The following KIF18A variants were observed in gnomAD, a reference collection of about 807,000 sequenced individuals.
The protein encoded by KIF18A is kinesin family member 18A, also known as kinesin-like protein KIF18A.
A neutral mutation model predicts 103.3 loss-of-function variants in KIF18A; 67 were observed. That is an observed-to-expected ratio of 0.65 (90% CI 0.53 to 0.79). KIF18A has a LOEUF of 0.79. KIF18A is among the 30% of genes least tolerant of loss of function. The probability of loss-of-function intolerance (pLI) is 0.00; values close to 1 mark genes in which losing one functional copy is unlikely to be tolerated. For missense variants in KIF18A, 1,032 were observed against 1,062.5 expected, an observed-to-expected ratio of 0.97 and a Z score of 0.40; for synonymous variants, 367 against 355.5, an observed-to-expected ratio of 1.03 and a Z score of -0.36.
chr11:28,054,408 G>A (rs1275230684), intron 13 of KIF18A, among the ~76,000 whole-genome samples: 3 of 151,916 alleles, frequency 2.0e-5, no homozygotes, highest in Non-Finnish European at 2.9e-5. Context: ...ACAGGGTTTC[G>A]CCCTGTTGCT....
intron 1 of KIF18A, among the ~76,000 whole-genome samples, chr11:28,106,551 C>CAAAAAAAAAAAA (rs11301094): frequency 1.2e-5 from 1 of 82,336 alleles, no homozygotes; most frequent in Non-Finnish European, 2.6e-5. Flanking sequence ...CAGTTGTCAG[C>CAAAAAAAAAAAA]AAAAAAAAAA....
intron 15 of KIF18A, among the ~76,000 whole-genome samples, chr11:28,028,527 C>G (rs1850351037): frequency 6.6e-6 from 1 of 151,982 alleles, no homozygotes; most frequent in African/African-American, 2.4e-5. Flanking sequence ...ACATTTAAAG[C>G]AGTGTGTAGA....
chr11:28,054,624 T>C lies in KIF18A; in HGVS notation c.1948+4302A>G, dbSNP rs188500101. On this transcript the variant is annotated intron_variant, in intron 13 of 16. Coordinates refer to ENST00000263181, the MANE Select transcript of KIF18A (RefSeq NM_031217.4). Reference sequence around the variant, plus strand: ...TGAACTCACTTATAAACACCGTTCCTATTATTCCTCCTTGACACTATTAGT... The same window carrying C: ...TGAACTCACTTATAAACACCGTTCCCATTATTCCTCCTTGACACTATTAGT... Among the ~76,000 whole-genome samples, 49 of 152,322 alleles carry C rather than the reference T, an allele frequency of 3.2e-4. 1 individual carries two copies. Among genetic ancestry groups the C allele is most frequent in the Admixed American group, 2.8e-3 (43 of 15,286 alleles).
chr11:28,090,555 A>G, intron 5 of KIF18A, 62 bp downstream of exon 5: 7 of 936,738 alleles, frequency 7.5e-6, no homozygotes, highest in Non-Finnish European at 1.2e-5. Flanking sequence ...ATGATGATTC[A>G]TGAATTTAGC....
At position 28,036,785 on chromosome 11, in the gene KIF18A, C is replaced by T. The variant is rs1033753130; in HGVS notation, c.1949-121G>A. 1.9e-5 allele frequency: 11 copies of T among 564,422 alleles called. No individual in the cohort carries two copies. The East Asian group carries it at 3.2e-4, about 16-fold the overall frequency. The allele number at this position is 564,422 out of a possible 1,614,324, so 35.0% of individuals were successfully genotyped here. On this transcript the variant is annotated intron_variant, in intron 13 of 16. Transcript: ENST00000263181. ...TATTTTTATGCCAATTGATAAAAATCTGAAAAATATAAGTTGGAAAGGAAA... is the reference window on the plus strand; with the variant it reads ...TATTTTTATGCCAATTGATAAAAATTTGAAAAATATAAGTTGGAAAGGAAA...
chr11:28,070,828 G>A (rs918307239), intron 10 of KIF18A, among the ~76,000 whole-genome samples: 10 of 152,262 alleles, frequency 6.6e-5, no homozygotes, highest in African/African-American at 2.4e-4. Flanking sequence ...ACTGCTTGAG[G>A]CCAGAAGTGC....
At position 28,038,027 on chromosome 11, in the gene KIF18A, G is replaced by A. The variant is rs773643917; in HGVS notation, c.1949-1363C>T. 3.3e-5 allele frequency among the ~76,000 whole-genome samples: 5 copies of A among 150,742 alleles called. No individual in the cohort carries two copies. The South Asian group carries it at 8.4e-4, about 25-fold the overall frequency. ...GATTTTTTTTTCTACCTTTTCCCTT[G>A]CATTTTCCAATGTATACCAATTCTG... On this transcript the variant is annotated intron_variant, in intron 13 of 16. Transcript: ENST00000263181.
chr11:28,066,326 T>C (rs1679983254), intron 11 of KIF18A, among the ~76,000 whole-genome samples: 1 of 151,912 alleles, frequency 6.6e-6, no homozygotes, highest in African/African-American at 2.4e-5. Context: ...TTGGCCAGGG[T>C]TATCCAGCTG....
At chr11:28,105,956 A>G (rs1010501793) in intron 1 of KIF18A, among the ~76,000 whole-genome samples, 2 of 152,204 alleles carry the variant, frequency 1.3e-5, no homozygotes, top group African/African-American at 4.8e-5. Flanking sequence ...AAAAACAAAG[A>G]CTTAGCCTTA....
chr11:28,021,964 T>C (rs1181132277), intron 16 of KIF18A, among the ~76,000 whole-genome samples: 1 of 152,212 alleles, frequency 6.6e-6, no homozygotes, highest in African/African-American at 2.4e-5. Flanking sequence ...CTGTTATTTC[T>C]CTAACTGCTA....
intron 15 of KIF18A, among the ~76,000 whole-genome samples, chr11:28,031,676 A>T (rs774397449): frequency 2.6e-5 from 4 of 151,206 alleles, no homozygotes; most frequent in Non-Finnish European, 5.9e-5. Context: ...AACTTAAAGC[A>T]TAAAAAAAAA....
chr11:28,069,433 G>A lies in KIF18A; in HGVS notation c.1426-10C>T, dbSNP rs993975177. 23 of 1,608,466 alleles carry A rather than the reference G, an allele frequency of 1.4e-5. No individual in the cohort carries two copies. Among genetic ancestry groups the A allele is most frequent in the African/African-American group, 2.7e-5 (2 of 74,442 alleles). The stretch of plus-strand genomic sequence containing the variant: ...CTCGTTTTCCAGTGGCCTGAAACAC[G>A]ATTCATTTAACAGTAAATCTAATTT... On this transcript the variant is annotated splice_polypyrimidine_tract_variant and intron_variant, in intron 10 of 16. Transcript: ENST00000263181.
chr11:28,049,858 T>C (rs1850690559), intron 13 of KIF18A, among the ~76,000 whole-genome samples: 1 of 151,918 alleles, frequency 6.6e-6, no homozygotes, highest in Non-Finnish European at 1.5e-5. Flanking sequence ...TACAGGTAAA[T>C]GAATTTTAAC....
In KIF18A at chr11:28,088,461, T is replaced by C. The variant is rs1244402942; in HGVS notation, c.897+63A>G. On this transcript the variant is annotated intron_variant, in intron 6 of 16. Transcript: ENST00000263181. ...ACCTTTAAAACAAAATCATATTAAA[T>C]AGTATCTTTCTTATCTATTTCAATA... 9.8e-6 allele frequency: 13 copies of C among 1,330,772 alleles called. No individual in the cohort carries two copies. The African/African-American group carries it at 1.2e-4, about 12-fold the overall frequency. 82.4% of individuals were successfully genotyped at this position (1,330,772 alleles called of 1,614,324 possible). A position where few individuals can be genotyped will look rare whatever the true frequency, so the allele number is the denominator to read the frequency against.
At chr11:28,069,457 T>A in intron 10 of KIF18A, 34 bp from the exon 11 acceptor site, 5 of 1,586,794 alleles carry the variant, frequency 3.2e-6, no homozygotes, top group Non-Finnish European at 2.6e-6. Context: ...TAAATCTAAT[T>A]TTTATGATAT....
chr11:28,033,409 C>T (rs1194425864), intron 15 of KIF18A, among the ~76,000 whole-genome samples: 1 of 151,356 alleles, frequency 6.6e-6, no homozygotes, highest in African/African-American at 2.4e-5. Flanking sequence ...ATCTGCACTA[C>T]CATGTTTATT....
chr11:28,026,426 AGT>A (rs775098151), intron 15 of KIF18A, among the ~76,000 whole-genome samples: 4 of 151,876 alleles, frequency 2.6e-5, no homozygotes, highest in Non-Finnish European at 4.4e-5. Flanking sequence ...GATTAAAAAA[AGT>A]AATCATGTAC....
At chr11:28,078,426 A>G (rs1851122677) in intron 9 of KIF18A, among the ~76,000 whole-genome samples, 1 of 152,156 alleles carries the variant, frequency 6.6e-6, no homozygotes, top group African/African-American at 2.4e-5. Context: ...TTCAAGGACA[A>G]AGTTAATATT....
chr11:28,025,862 T>C (rs1215032282), intron 15 of KIF18A, among the ~76,000 whole-genome samples: 1 of 151,976 alleles, frequency 6.6e-6, no homozygotes, highest in East Asian at 1.9e-4. Flanking sequence ...GTAGAATGTT[T>C]CTACTCAACA....
Sources: gnomAD v4.1 joint callset for allele counts (sites outside exome capture counted in the v4.1 genomes callset) on GRCh38, gnomAD v4.1.1 for gene constraint, MANE v1.5 for transcripts, NCBI Gene and HGNC (gene_info 2026-07-23, HGNC 2026-07-21) for gene names.